The following FARP1 variants were observed in gnomAD, a reference collection of about 807,000 sequenced individuals.
FARP1 encodes the protein FERM, ARH/RhoGEF and pleckstrin domain protein 1.
A neutral mutation model predicts 128.8 loss-of-function variants in FARP1; 52 were observed. The observed-to-expected ratio is 0.40, with a 90% CI of 0.32 to 0.51. The LOEUF is 0.51. Ranked by LOEUF, FARP1 falls within the 20% of genes least tolerant of loss-of-function variation. The pLI, the probability that FARP1 is intolerant of heterozygous loss-of-function variation, is 0.45. For synonymous variants in FARP1, 580 were observed against 551.8 expected (o/e 1.05, Z -0.72); for missense variants, 1,333 against 1,367.9 (o/e 0.97, Z 0.40).
chr13:98,418,478 T>C (rs896078761), intron 16 of FARP1, among the ~76,000 whole-genome samples: 5 of 152,244 alleles, frequency 3.3e-5, no homozygotes, highest in African/African-American at 1.2e-4. Flanking sequence ...TTTCGTCATG[T>C]TGGCCAGGCT....
chr13:98,187,769 C>T (rs868418841), intron 1 of FARP1, among the ~76,000 whole-genome samples: 2 of 152,142 alleles, frequency 1.3e-5, no homozygotes, highest in African/African-American at 4.8e-5. Context: ...TTGAAATAAT[C>T]TAGTGGAGAG....
intron 2 of FARP1, among the ~76,000 whole-genome samples, chr13:98,278,284 GTGTA>G (rs758244700): frequency 2.4e-4 from 35 of 146,550 alleles, no homozygotes; most frequent in Non-Finnish European, 3.4e-4. Context: ...TTGTGAATGT[GTGTA>G]TGTATGTGTG....
chr13:98,168,199 A>C (rs1483190478), intron 1 of FARP1, among the ~76,000 whole-genome samples: 1 of 150,350 alleles, frequency 6.7e-6, no homozygotes. Flanking sequence ...TAAATAAATA[A>C]AAAAGTTTTG....
chr13:98,350,504 C>T (rs1031379546), intron 3 of FARP1, among the ~76,000 whole-genome samples: 5 of 152,092 alleles, frequency 3.3e-5, no homozygotes, highest in South Asian at 2.1e-4. Context: ...TCATTCACTG[C>T]GGTCCAAACT....
At chr13:98,365,372 A>G (rs1273185919) in intron 3 of FARP1, 23 bp from the exon 4 acceptor site, 15 of 1,594,550 alleles carry the variant, frequency 9.4e-6, no homozygotes, top group African/African-American at 2.7e-5. Context: ...TTAGGTCTTA[A>G]TCTGTTCTTT....
intron 1 of FARP1, among the ~76,000 whole-genome samples, chr13:98,197,420 C>T (rs185957000): frequency 1.1e-4 from 17 of 151,792 alleles, no homozygotes; most frequent in Admixed American, 3.9e-4. Context: ...GAGCTGAGAT[C>T]GCGCCATTGC....
At chr13:98,145,794 G>C (rs991749557) in intron 1 of FARP1, among the ~76,000 whole-genome samples, 2 of 151,396 alleles carry the variant, frequency 1.3e-5, no homozygotes, top group African/African-American at 4.9e-5. Flanking sequence ...CCCAGGAGGC[G>C]GAGGTTGTAG....
chr13:98,171,925 T>G (rs998708980), intron 1 of FARP1, among the ~76,000 whole-genome samples: 8 of 152,192 alleles, frequency 5.3e-5, no homozygotes, highest in African/African-American at 1.9e-4. Context: ...TTCTTCCCTA[T>G]CACACAGAAA....
At chr13:98,265,939 G>A (rs114732713) in intron 2 of FARP1, among the ~76,000 whole-genome samples, 1,752 of 152,206 alleles carry the variant, frequency 0.012, 12 homozygotes, top group South Asian at 0.017. Context: ...GTGACTTGCC[G>A]CAAAAGTTCC....
intron 2 of FARP1, among the ~76,000 whole-genome samples, chr13:98,308,029 CTCTCTTTTTTTTTTTTTT>C (rs1164184120): frequency 0.04 from 4,559 of 114,908 alleles, 469 homozygotes; most frequent in Non-Finnish European, 0.042. Flanking sequence ...CCCCCACTCT[CTCTCTTTTTTTTTTTTTT>C]TTTTTTTTTT....
Position 98,421,284 on chromosome 13 carries a change from G to C in FARP1, c.1827-3288G>C, listed in dbSNP as rs376091512. 3.5e-4 allele frequency among the ~76,000 whole-genome samples: 53 copies of C among 152,302 alleles called. 2 individuals carry two copies. The highest frequency in any genetic ancestry group is 1.3e-3 in the African/African-American group (53 of 41,574). On this transcript the variant is annotated intron_variant, in intron 16 of 26. Coordinates refer to ENST00000319562, the MANE Select transcript of FARP1 (RefSeq NM_005766.4). ...AATAAATAGTTGGCAAAAGAATAGA[G>C]AAAGTGAAATAGATGACATTTGGCT...
chr13:98,354,164 A>G (rs1049187269), intron 3 of FARP1, among the ~76,000 whole-genome samples: 1 of 152,242 alleles, frequency 6.6e-6, no homozygotes. Context: ...ACTCCTACTT[A>G]ATGAGTTCAG....
chr13:98,159,174 A>G (rs1876695316), intron 1 of FARP1, among the ~76,000 whole-genome samples: 1 of 152,202 alleles, frequency 6.6e-6, no homozygotes, highest in Non-Finnish European at 1.5e-5. Flanking sequence ...TGCTATTCCC[A>G]CGGCCAGTTT....
intron 2 of FARP1, among the ~76,000 whole-genome samples, chr13:98,291,094 G>A (rs1440288848): frequency 6.6e-6 from 1 of 152,108 alleles, no homozygotes; most frequent in African/African-American, 2.4e-5. Flanking sequence ...TATACCTTTT[G>A]ACTCCCCAAA....
At chr13:98,409,040 T>A (rs1396784554) in intron 13 of FARP1, among the ~76,000 whole-genome samples, 1 of 152,248 alleles carries the variant, frequency 6.6e-6, no homozygotes, top group Non-Finnish European at 1.5e-5. Context: ...AGTTGGGAGA[T>A]GAAATTCCTA....
At chr13:98,334,126 G>A (rs933946417) in intron 2 of FARP1, 1 of 152,162 alleles carries the variant, frequency 6.6e-6, no homozygotes, top group South Asian at 2.1e-4. Flanking sequence ...GGCACAAGAA[G>A]TAGCTTGCCT....
intron 2 of FARP1, among the ~76,000 whole-genome samples, chr13:98,320,912 G>A (rs1417932380): frequency 1.3e-5 from 2 of 152,154 alleles, no homozygotes; most frequent in Non-Finnish European, 2.9e-5. Flanking sequence ...AAATCTAAAT[G>A]TAAAACTGGA....
intron 2 of FARP1, among the ~76,000 whole-genome samples, chr13:98,236,578 C>T (rs1014467320): frequency 2.0e-5 from 3 of 151,784 alleles, no homozygotes; most frequent in African/African-American, 7.3e-5. Flanking sequence ...AACAGATGAA[C>T]CTCATAGCCA....
At chr13:98,248,375 C>T (rs9582205) in intron 2 of FARP1, among the ~76,000 whole-genome samples, 6,798 of 152,164 alleles carry the variant, frequency 0.045, 452 homozygotes, top group African/African-American at 0.15. Context: ...AGCTGTTTCT[C>T]CCCGGGTAGA....
Sources: gnomAD v4.1 joint callset for allele counts (sites outside exome capture counted in the v4.1 genomes callset) on GRCh38, gnomAD v4.1.1 for gene constraint, MANE v1.5 for transcripts, NCBI Gene and HGNC (gene_info 2026-07-23, HGNC 2026-07-21) for gene names.